ADAMTS6: variants seen among roughly 807,000 people sequenced by gnomAD.
ADAMTS6 encodes the protein A disintegrin and metalloproteinase with thrombospondin motifs 6.
ADAMTS6 carries 23 observed loss-of-function variants against 144.3 expected under a neutral mutation model. That is an observed-to-expected ratio of 0.16 (90% CI 0.11 to 0.23). ADAMTS6 has a LOEUF of 0.23. ADAMTS6 is among the 10% of genes least tolerant of loss of function. The pLI, the probability that ADAMTS6 is intolerant of heterozygous loss-of-function variation, is 1.00. For missense variants in ADAMTS6, 999 were observed against 1,379.6 expected (o/e 0.72, Z 4.37); for synonymous variants, 444 against 457.5 (o/e 0.97, Z 0.38).
chr5:65,289,075 A>T (rs1041802608), intron 11 of ADAMTS6, among the ~76,000 whole-genome samples: 1 of 152,238 alleles, frequency 6.6e-6, no homozygotes, highest in Non-Finnish European at 1.5e-5. Flanking sequence ...TTCATATAGT[A>T]TATGAATCTA....
Position 65,454,166 on chromosome 5 carries a change from G to A in ADAMTS6, c.632-1248C>T, listed in dbSNP as rs534045578. On this transcript the variant is annotated intron_variant, in intron 4 of 24. Transcript: ENST00000381055. The stretch of plus-strand genomic sequence containing the variant: ...CTCCTCTTGCCTTCCTCCATGAGAC[G>A]ACCCTCACCAGATGCTGGTGCCATG... Among the ~76,000 whole-genome samples, 26 of 152,208 alleles carry A rather than the reference G, an allele frequency of 1.7e-4. No individual in the cohort carries two copies. The East Asian group carries it at 2.5e-3, about 15-fold the overall frequency.
At position 65,268,181 on chromosome 5, in the gene ADAMTS6, A is replaced by G. The variant is rs151036671; in HGVS notation, c.1620+5159T>C. 2.0e-3 allele frequency among the ~76,000 whole-genome samples: 299 copies of G among 152,318 alleles called. 1 individual carries two copies. The highest frequency in any genetic ancestry group is 6.9e-3 in the African/African-American group (285 of 41,580). On this transcript the variant is annotated intron_variant, in intron 12 of 24. Coordinates refer to ENST00000381055, the MANE Select transcript of ADAMTS6 (RefSeq NM_197941.4). ...CCAGCCCTGTGTTTCCTATGGAAAG[A>G]TATTAGGAATCAATGTCACTTACAT...
rs1339386609 is a variant in ADAMTS6, at chr5:65,149,395, T to G, written c.*2441A>C. On this transcript the variant is annotated 3_prime_UTR_variant, in exon 25 of 25. Transcript: ENST00000381055. ...ACTCAGGTTTCAATTCAAGGCTTAC[T>G]TGAAACTGTTTCATCCTGTTACATT... is the stretch of plus-strand genomic sequence containing the variant. 1.3e-5 allele frequency: 2 copies of G among 152,244 alleles called. No homozygotes were observed. The highest frequency in any genetic ancestry group is 3.8e-4 in the East Asian group (2 of 5,200). 9.4% of individuals were successfully genotyped at this position (152,244 alleles called of 1,614,324 possible). A position where few individuals can be genotyped will look rare whatever the true frequency, so the allele number is the denominator to read the frequency against.
At chr5:65,427,058 G>A (rs1487389402) in intron 7 of ADAMTS6, among the ~76,000 whole-genome samples, 2 of 152,024 alleles carry the variant, frequency 1.3e-5, no homozygotes. Flanking sequence ...TTTAATAGAG[G>A]CATGCCTATG....
intron 7 of ADAMTS6, among the ~76,000 whole-genome samples, chr5:65,440,865 G>C (rs1403194993): frequency 6.6e-6 from 1 of 152,084 alleles, no homozygotes; most frequent in Non-Finnish European, 1.5e-5. Flanking sequence ...AATTTTAAAA[G>C]AAAGAATCAG....
chr5:65,358,504 T>C (rs1749546828), intron 7 of ADAMTS6, among the ~76,000 whole-genome samples: 1 of 152,032 alleles, frequency 6.6e-6, no homozygotes, highest in African/African-American at 2.4e-5. Flanking sequence ...AATGACATTT[T>C]TCACAGAAAT....
Position 65,451,545 on chromosome 5 carries a change from G to T in ADAMTS6, c.1003C>A (p.His335Asn), listed in dbSNP as rs763446358. The T allele has an allele frequency of 5.6e-6, 9 of 1,613,436 alleles. No individual in the cohort carries two copies. In the South Asian group the frequency reaches 9.9e-5, roughly 18 times the overall value. Reference sequence around the variant, plus strand: ...GGAATGGTGTTTCCATCACTTTGGTGGGAGAGAATGGATTTCTGCCATTTA... The same window carrying T: ...GGAATGGTGTTTCCATCACTTTGGTTGGAGAGAATGGATTTCTGCCATTTA... Reference protein sequence around the residue: ...FCKWQKSILSHQSDGNTIPEN... With the variant: ...FCKWQKSILSNQSDGNTIPEN... Residue 335 changes from histidine to asparagine, a missense_variant, in exon 7 of 25, where the codon CAC becomes AAC. This residue lies in a region of ADAMTS6 where 128 missense variants were observed against 249.0 expected (regional missense o/e 0.51). Coordinates refer to ENST00000381055, the MANE Select transcript of ADAMTS6 (RefSeq NM_197941.4).
intron 7 of ADAMTS6, among the ~76,000 whole-genome samples, chr5:65,412,329 C>G (rs1035218587): frequency 3.3e-5 from 5 of 151,924 alleles, no homozygotes; most frequent in Non-Finnish European, 7.4e-5. Flanking sequence ...AGTTAGTCCT[C>G]GGAAGAGAGG....
intron 15 of ADAMTS6, among the ~76,000 whole-genome samples, chr5:65,227,785 AT>A (rs944674461): frequency 1.3e-4 from 19 of 151,856 alleles, no homozygotes; most frequent in Middle Eastern, 3.4e-3. Context: ...TGAAAACTTA[AT>A]TTTTTTTTCC....
chr5:65,382,162 T>C (rs1196817284), intron 7 of ADAMTS6, among the ~76,000 whole-genome samples: 3 of 152,336 alleles, frequency 2.0e-5, no homozygotes, highest in Admixed American at 2.0e-4. Flanking sequence ...TCCGTAACTC[T>C]TGGATTTTCT....
intron 24 of ADAMTS6, among the ~76,000 whole-genome samples, chr5:65,153,730 C>T (rs1276840175): frequency 6.6e-6 from 1 of 152,168 alleles, no homozygotes; most frequent in Non-Finnish European, 1.5e-5. Context: ...GGAGTATTTC[C>T]TGGGGAACAA....
intron 7 of ADAMTS6, among the ~76,000 whole-genome samples, chr5:65,444,111 T>C (rs1423175701): frequency 6.6e-6 from 1 of 152,022 alleles, no homozygotes; most frequent in African/African-American, 2.4e-5. Flanking sequence ...TTAAAACCAG[T>C]CCAGGCTCAG....
intron 1 of ADAMTS6, among the ~76,000 whole-genome samples, chr5:65,474,703 T>C (rs1210704335): frequency 2.7e-5 from 4 of 149,192 alleles, no homozygotes; most frequent in Non-Finnish European, 4.4e-5. Flanking sequence ...TACAGAATAG[T>C]ATATTTGGCT....
At chr5:65,376,968 C>T (rs1751623559) in intron 7 of ADAMTS6, among the ~76,000 whole-genome samples, 1 of 151,946 alleles carries the variant, frequency 6.6e-6, no homozygotes, top group South Asian at 2.1e-4. Flanking sequence ...GTTGATTTAA[C>T]AGTCGAAAAA....
intron 9 of ADAMTS6, among the ~76,000 whole-genome samples, chr5:65,308,388 T>C (rs1167228676): frequency 5.3e-5 from 8 of 152,224 alleles, no homozygotes; most frequent in Non-Finnish European, 2.9e-5. Context: ...TTATGTTTGT[T>C]CTGTTAGGTT....
intron 9 of ADAMTS6, among the ~76,000 whole-genome samples, chr5:65,313,990 CAT>C (rs1278268009): frequency 6.6e-6 from 1 of 151,870 alleles, no homozygotes; most frequent in Non-Finnish European, 1.5e-5. Flanking sequence ...ATATATAAGA[CAT>C]ACTGAAACAT....
rs1336373549 is a variant in ADAMTS6, at chr5:65,262,841, G to A, written c.1742C>T (p.Ser581Phe). ...SRTCGGGVSSSLRHCDSPAPS... is the reference protein window; with the variant it reads ...SRTCGGGVSSFLRHCDSPAPS... ...CGCTGGACTGTCACAGTGTCTTAGG[G>A]ATGAGGAGACGCCTCCCCCGCAGGT... The change falls in exon 13 of 25, where the codon TCC (serine) becomes TTC (phenylalanine). Residue 581 changes from serine to phenylalanine, a missense_variant. Coordinates refer to ENST00000381055, the MANE Select transcript of ADAMTS6 (RefSeq NM_197941.4). 1 of 1,565,246 alleles carries A rather than the reference G, an allele frequency of 6.4e-7. No individual in the cohort carries two copies.
intron 7 of ADAMTS6, among the ~76,000 whole-genome samples, chr5:65,392,801 C>T (rs908907517): frequency 1.3e-5 from 2 of 152,014 alleles, no homozygotes; most frequent in African/African-American, 2.4e-5. Context: ...AAAATCTCTT[C>T]GATTGTTTAA....
chr5:65,243,121 C>CT (rs1759336432), intron 14 of ADAMTS6, among the ~76,000 whole-genome samples: 1 of 151,976 alleles, frequency 6.6e-6, no homozygotes, highest in South Asian at 2.1e-4. Context: ...TACTTAAAAA[C>CT]TAAAAATATT....
Sources: gnomAD v4.1 joint callset for allele counts (sites outside exome capture counted in the v4.1 genomes callset) on GRCh38, gnomAD v4.1.1 for gene constraint, gnomAD v4.1.1 regional missense constraint, MANE v1.5 for transcripts, NCBI Gene and HGNC (gene_info 2026-07-23, HGNC 2026-07-21) for gene names.